Variants in TPCN2 observed in about 807,000 individuals in gnomAD.
TPCN2 encodes the protein two pore channel protein 2.
A neutral mutation model predicts 111.4 loss-of-function variants in TPCN2; 92 were observed. The observed-to-expected ratio is 0.83, with a 90% CI of 0.70 to 0.98. The LOEUF is 0.98. TPCN2 is among the 50% of genes least tolerant of loss of function. The pLI, the probability that TPCN2 is intolerant of heterozygous loss-of-function variation, is 0.00. For synonymous variants in TPCN2, 405 were observed against 414.5 expected, an observed-to-expected ratio of 0.98 and a Z score of 0.28; for missense variants, 995 against 980.1, an observed-to-expected ratio of 1.02 and a Z score of -0.20.
chr11:69,061,895 A>C (rs900917165), intron 5 of TPCN2, among the ~76,000 whole-genome samples: 3 of 151,972 alleles, frequency 2.0e-5, no homozygotes, highest in Non-Finnish European at 4.4e-5. Flanking sequence ...GTCCTCACAG[A>C]AGGAAGGCAG....
chr11:69,066,905 G>A (rs61880999), intron 7 of TPCN2, among the ~76,000 whole-genome samples: 72,701 of 152,046 alleles, frequency 0.48, 17,649 homozygotes, highest in South Asian at 0.69. Flanking sequence ...CACTGCATGT[G>A]CCAGCTGTGT....
Position 69,085,248 on chromosome 11 carries a change from G to A in TPCN2, c.1800G>A (p.Leu600=). ...TATTTGCCATCATTGGGATCAACTT[G>A]TTTAGAGGCGTCATTGTGGCTCTTC... ...YYVFAIIGIN[L]FRGVIVALPG... The change falls in exon 20 of 25, where the codon TTG becomes TTA. Residue 600 remains leucine, a synonymous_variant. Transcript: ENST00000294309. The A allele has an allele frequency of 1.3e-6, 2 of 1,506,428 alleles. No individual in the cohort carries two copies. Among genetic ancestry groups the A allele is most frequent in the Non-Finnish European group, 1.8e-6 (2 of 1,112,738 alleles). The allele number at this position is 1,506,428 out of a possible 1,614,324, so 93.3% of individuals were successfully genotyped here.
intron 1 of TPCN2, among the ~76,000 whole-genome samples, chr11:69,049,623 T>A (rs1163221695): frequency 6.6e-6 from 1 of 152,114 alleles, no homozygotes; most frequent in African/African-American, 2.4e-5. Context: ...AGTTGGGAGC[T>A]AGGAGTCCTT....
At position 69,085,212 on chromosome 11, in the gene TPCN2, G is replaced by A; in HGVS notation, c.1764G>A (p.Val588=). Residue 588 remains valine, a splice_region_variant and synonymous_variant, in exon 20 of 25, where the codon GTG becomes GTA. Transcript: ENST00000294309. The part of the protein sequence containing the change: ...NMRAFGGILV[V]VYYVFAIIGI... The stretch of plus-strand genomic sequence containing the variant: ...GTCCCCGGCTCCTGGCCCGCCAGGT[G>A]GTCTACTACGTATTTGCCATCATTG... The A allele has an allele frequency of 6.2e-7, 1 of 1,614,070 alleles. No homozygotes were observed.
intron 5 of TPCN2, among the ~76,000 whole-genome samples, chr11:69,061,025 G>A (rs1011738247): frequency 1.3e-5 from 2 of 152,240 alleles, no homozygotes; most frequent in African/African-American, 4.8e-5. Context: ...ACTTGCAGAT[G>A]TTCTGGAGGG....
In TPCN2 at chr11:69,079,160, T is replaced by A. The variant is rs1186630089; in HGVS notation, c.1539+140T>A. The A allele has an allele frequency of 8.8e-6, 10 of 1,142,826 alleles. No homozygotes were observed. The East Asian group carries it at 2.0e-4, about 23-fold the overall frequency. 70.8% of individuals were successfully genotyped at this position (1,142,826 alleles called of 1,614,324 possible). ...GGCTTCTGCTCTCAGTGGTGAGGGC[T>A]GGCTTCCCTGCTGGCCGAGTTGCTC... is the stretch of plus-strand genomic sequence containing the variant. On this transcript the variant is annotated intron_variant, in intron 16 of 24. Coordinates refer to ENST00000294309, the MANE Select transcript of TPCN2 (RefSeq NM_139075.4).
intron 5 of TPCN2, among the ~76,000 whole-genome samples, chr11:69,062,325 A>G (rs773884445): frequency 6.6e-6 from 1 of 152,088 alleles, no homozygotes; most frequent in Non-Finnish European, 1.5e-5. Context: ...GGGGACGCAC[A>G]TTCACACCGT....
chr11:69,049,951 G>A (rs1355956546), intron 1 of TPCN2, among the ~76,000 whole-genome samples: 1 of 152,202 alleles, frequency 6.6e-6, no homozygotes. Flanking sequence ...CTCTGTTCTG[G>A]TGCGGCTGCT....
Position 69,081,415 on chromosome 11 carries a change from G to GTGGA in TPCN2, c.1605_1606insTGGA (p.Gly536TrpfsTer68), listed in dbSNP as rs1856004711. ...CTCTCCCCAGGAGGCCGGAGATGGT[G>GTGGA]GGCCTGCTGTCGCTGTGGGACATGA... On this transcript the variant is annotated frameshift_variant, in exon 18 of 25. Transcript: ENST00000294309. LOFTEE classifies it high-confidence loss of function. The GTGGA allele has an allele frequency of 6.4e-7, 1 of 1,556,224 alleles. No individual in the cohort carries two copies. Among genetic ancestry groups the GTGGA allele is most frequent in the African/African-American group, 1.4e-5 (1 of 73,582 alleles).
intron 13 of TPCN2, among the ~76,000 whole-genome samples, chr11:69,077,231 C>T (rs1855823318): frequency 7.2e-6 from 1 of 139,568 alleles, no homozygotes; most frequent in Non-Finnish European, 1.5e-5. Flanking sequence ...CTGCCATGTC[C>T]CTCCACCTGC....
chr11:69,069,941 G>C (rs1855445828), intron 8 of TPCN2, among the ~76,000 whole-genome samples: 1 of 152,158 alleles, frequency 6.6e-6, no homozygotes, highest in Non-Finnish European at 1.5e-5. Context: ...AGAGGCAAGA[G>C]ATCGAATTTG....
In TPCN2 at chr11:69,067,489, G is replaced by A. The variant is rs755776019; in HGVS notation, c.727-14G>A. On this transcript the variant is annotated splice_polypyrimidine_tract_variant and intron_variant, in intron 7 of 24. Coordinates refer to ENST00000294309, the MANE Select transcript of TPCN2 (RefSeq NM_139075.4). The stretch of plus-strand genomic sequence containing the variant: ...GACCCAGTGGTGCCCTGGAGCTGCC[G>A]CTTCTGCTCTTAGCAGGATGATGGG... The A allele has an allele frequency of 3.1e-6, 5 of 1,610,668 alleles. No individual in the cohort carries two copies. The highest frequency in any genetic ancestry group is 1.3e-5 in the African/African-American group (1 of 74,894).
chr11:69,062,842 T>G (rs1855084516), intron 5 of TPCN2, 42 bp from the exon 6 acceptor site: 1 of 1,589,568 alleles, frequency 6.3e-7, no homozygotes, highest in Admixed American at 1.7e-5. Flanking sequence ...GGGGTAGAAC[T>G]AAGCACTTGA....
At chr11:69,071,849 C>T (rs1487689668) in intron 10 of TPCN2, 74 bp from the exon 11 acceptor site, 3 of 1,414,918 alleles carry the variant, frequency 2.1e-6, no homozygotes, top group African/African-American at 1.4e-5. Context: ...GCCTGTTCCC[C>T]AGGGGAGGGA....
intron 1 of TPCN2, among the ~76,000 whole-genome samples, chr11:69,052,050 A>C (rs187376030): frequency 5.3e-5 from 8 of 152,182 alleles, no homozygotes; most frequent in Non-Finnish European, 8.8e-5. Context: ...CAGACCCAGA[A>C]TTTTACAAAC....
chr11:69,072,757 A>G (rs962707188), intron 12 of TPCN2, 49 bp downstream of exon 12: 3 of 1,606,458 alleles, frequency 1.9e-6, no homozygotes, highest in Non-Finnish European at 2.6e-6. Flanking sequence ...CCGGGAGGTC[A>G]CTTGGGCCAG....
intron 4 of TPCN2, among the ~76,000 whole-genome samples, chr11:69,056,667 G>A (rs1281130813): frequency 4.5e-5 from 6 of 132,398 alleles, no homozygotes; most frequent in Admixed American, 4.2e-4. Context: ...CCCAGCAGTT[G>A]GAATACAGGC....
chr11:69,087,359 G>C (rs1459473729), intron 24 of TPCN2, among the ~76,000 whole-genome samples, 153 bp downstream of exon 24: 3 of 152,206 alleles, frequency 2.0e-5, no homozygotes. Context: ...TAGGAGAGCA[G>C]CTCAGAGCCG....
chr11:69,077,127 TG>T (rs1855813492), intron 13 of TPCN2, among the ~76,000 whole-genome samples: 1 of 116,996 alleles, frequency 8.5e-6, no homozygotes, highest in Non-Finnish European at 1.7e-5. Flanking sequence ...CCTCCTGCCA[TG>T]TCCCTCCACC....
Sources: gnomAD v4.1 joint callset for allele counts (sites outside exome capture counted in the v4.1 genomes callset) on GRCh38, gnomAD v4.1.1 for gene constraint, MANE v1.5 for transcripts, NCBI Gene and HGNC (gene_info 2026-07-23, HGNC 2026-07-21) for gene names.